Variants in CASP8 observed in about 807,000 individuals in gnomAD.
CASP8 encodes caspase-8.
A neutral mutation model predicts 46.3 loss-of-function variants in CASP8; 24 were observed. The observed-to-expected ratio is 0.52, with a 90% CI of 0.38 to 0.73. CASP8 has a LOEUF of 0.73. Among genes scored for constraint, CASP8 ranks in the 30% least tolerant of loss-of-function variants. The pLI is 0.00. For synonymous variants in CASP8, 188 were observed against 200.4 expected (o/e 0.94, Z 0.52); for missense variants, 460 against 559.0 (o/e 0.82, Z 1.79).
chr2:201,281,755 A>T, intron 7 of CASP8: 1 of 864,304 alleles, frequency 1.2e-6, no homozygotes, highest in Admixed American at 2.3e-5. Flanking sequence ...CCTAAATGAT[A>T]GCTTACCCAT....
At chr2:201,273,647 A>G (rs780174580) in intron 5 of CASP8, among the ~76,000 whole-genome samples, 2 of 151,534 alleles carry the variant, frequency 1.3e-5, no homozygotes, top group South Asian at 2.1e-4. Flanking sequence ...GCTCTCAACG[A>G]TCTCCTTCAA....
chr2:201,280,325 A>C (rs1948922239), intron 7 of CASP8, among the ~76,000 whole-genome samples: 1 of 152,218 alleles, frequency 6.6e-6, no homozygotes, highest in African/African-American at 2.4e-5. Flanking sequence ...GAGTTCCAGA[A>C]AGAAAGGACA....
rs761128040 is a variant in CASP8, at chr2:201,286,623, T to G, written c.*29T>G. 6.2e-7 allele frequency: 1 copy of G among 1,601,026 alleles called. No individual in the cohort carries two copies. Among genetic ancestry groups the G allele is most frequent in the Non-Finnish European group, 8.5e-7 (1 of 1,170,202 alleles). ...TGCTATTTTGTTTGTTTTGTTTTGT[T>G]TTGTTTTTTTGAGACAGAATCTCGC... On this transcript the variant is annotated 3_prime_UTR_variant, in exon 9 of 9. Transcript: ENST00000673742.
intron 1 of CASP8, among the ~76,000 whole-genome samples, chr2:201,263,469 A>T (rs1947569299): frequency 2.0e-5 from 3 of 152,198 alleles, no homozygotes; most frequent in South Asian, 4.1e-4. Flanking sequence ...CAGAAATATG[A>T]TGTGTTCAAA....
chr2:201,249,739 A>G (rs1335373580), intron 2 of CASP8, among the ~76,000 whole-genome samples: 3 of 152,190 alleles, frequency 2.0e-5, no homozygotes, highest in Non-Finnish European at 4.4e-5. Context: ...AGAAAAAAAA[A>G]GAAAGAGCAG....
intron 1 of CASP8, among the ~76,000 whole-genome samples, chr2:201,264,490 G>A (rs1269646215): frequency 2.6e-5 from 4 of 151,880 alleles, no homozygotes; most frequent in African/African-American, 7.3e-5. Flanking sequence ...CCTGGGCCAC[G>A]TTGGTTTATT....
Position 201,274,906 on chromosome 2 carries a change from GTAA to G in CASP8, c.615_617del (p.Met206del). 2.5e-6 allele frequency: 4 copies of G among 1,613,388 alleles called. No homozygotes were observed. The highest frequency in any genetic ancestry group is 2.5e-6 in the Non-Finnish European group (3 of 1,179,402). On this transcript the variant is annotated inframe_deletion, in exon 6 of 9. Transcript: ENST00000673742. Reference sequence around the variant, plus strand: ...GTTTGCAGGGGAGGAGTTGTGTGGGGTAATGACAATCTCGGACTCTCCAAGAGA... The same window carrying G: ...GTTTGCAGGGGAGGAGTTGTGTGGGGTGACAATCTCGGACTCTCCAAGAGA...
At chr2:201,252,711 C>A (rs987262313) in intron 2 of CASP8, among the ~76,000 whole-genome samples, 44 of 152,164 alleles carry the variant, frequency 2.9e-4, no homozygotes, top group African/African-American at 1.1e-3. Context: ...TTCTCAGAAA[C>A]TAGGATTTTG....
At chr2:201,265,281 A>G (rs527879185) in intron 1 of CASP8, among the ~76,000 whole-genome samples, 6 of 151,164 alleles carry the variant, frequency 4.0e-5, no homozygotes, top group South Asian at 2.2e-4. Context: ...AGGCCGAGGC[A>G]GGAGGATTGC....
intron 2 of CASP8, among the ~76,000 whole-genome samples, chr2:201,237,458 GGAAAAAAGAAAA>G (rs1448256714): frequency 1.6e-4 from 23 of 139,702 alleles, no homozygotes; most frequent in Admixed American, 1.3e-3. Flanking sequence ...AAAAAAAAAA[GGAAAAAAGAAAA>G]GAAAAAAGAA....
chr2:201,283,436 C>CG (rs1949278886), intron 7 of CASP8, among the ~76,000 whole-genome samples: 1 of 51,510 alleles, frequency 1.9e-5, no homozygotes, highest in Non-Finnish European at 4.6e-5. Flanking sequence ...GCTGGCCGGG[C>CG]GGGGGGTTGA....
chr2:201,260,824 G>C (rs1234910190), intron 1 of CASP8, among the ~76,000 whole-genome samples: 2 of 152,200 alleles, frequency 1.3e-5, no homozygotes, highest in Non-Finnish European at 2.9e-5. Flanking sequence ...GCAGTTTCCA[G>C]ATCTGAAGGC....
intron 2 of CASP8, among the ~76,000 whole-genome samples, chr2:201,253,847 C>T (rs891180058): frequency 5.3e-5 from 8 of 152,076 alleles, no homozygotes; most frequent in East Asian, 1.9e-4. Flanking sequence ...TTTGGGAAGC[C>T]GAGGTGGGTC....
chr2:201,243,536 T>C (rs1158541224), intron 2 of CASP8, among the ~76,000 whole-genome samples: 1 of 152,220 alleles, frequency 6.6e-6, no homozygotes, highest in Admixed American at 6.5e-5. Flanking sequence ...TTTTTGATAA[T>C]TTAATGCCCC....
chr2:201,284,573 A>C (rs1949425046), intron 7 of CASP8, among the ~76,000 whole-genome samples: 1 of 69,786 alleles, frequency 1.4e-5, no homozygotes, highest in African/African-American at 4.6e-5. Flanking sequence ...GGCACTCGGC[A>C]GGCTGAGGCA....
chr2:201,265,161 A>G (rs3820970), intron 1 of CASP8, among the ~76,000 whole-genome samples: 1 of 152,164 alleles, frequency 6.6e-6, no homozygotes, highest in East Asian at 1.9e-4. Context: ...TCACTTAAAA[A>G]CTCAAAATCT....
Position 201,286,726 on chromosome 2 carries a change from C to T in CASP8, c.*132C>T, listed in dbSNP as rs1949581452. 1 of 708,234 alleles carries T rather than the reference C, an allele frequency of 1.4e-6. No homozygotes were observed. Among genetic ancestry groups the T allele is most frequent in the East Asian group, 3.0e-5 (1 of 33,270 alleles). 43.9% of individuals were successfully genotyped at this position (708,234 alleles called of 1,614,324 possible). On this transcript the variant is annotated 3_prime_UTR_variant, in exon 9 of 9. Coordinates refer to ENST00000673742, the MANE Select transcript of CASP8 (RefSeq NM_001372051.1). Reference sequence around the variant, plus strand: ...CGCCTCCCGGGTTCAGGCCATTCTCCTGCCTCAGCCTCCCGAGTAGCTGGG... The same window carrying T: ...CGCCTCCCGGGTTCAGGCCATTCTCTTGCCTCAGCCTCCCGAGTAGCTGGG...
At chr2:201,267,838 G>A (rs1947932456) in intron 2 of CASP8, among the ~76,000 whole-genome samples, 1 of 152,216 alleles carries the variant, frequency 6.6e-6, no homozygotes, top group African/African-American at 2.4e-5. Context: ...GCTGACAGCT[G>A]CTGTCCTCTG....
intron 7 of CASP8, among the ~76,000 whole-genome samples, chr2:201,281,267 T>C (rs1257866108): frequency 1.3e-5 from 2 of 152,084 alleles, no homozygotes; most frequent in East Asian, 1.9e-4. Context: ...TGAGCTGAGA[T>C]TGTGACACTG....
Sources: allele counts gnomAD v4.1 joint callset (sites outside exome capture counted in the v4.1 genomes callset), GRCh38; gene constraint gnomAD v4.1.1; transcripts MANE v1.5; gene names NCBI Gene and HGNC (gene_info 2026-07-23, HGNC 2026-07-21).